The following KIAA0825 variants were observed in gnomAD, a reference collection of about 807,000 sequenced individuals.
KIAA0825 encodes uncharacterized protein KIAA0825.
A neutral mutation model predicts 147.6 loss-of-function variants in KIAA0825; 119 were observed. That is an observed-to-expected ratio of 0.81 (90% CI 0.69 to 0.94). The LOEUF (loss-of-function observed/expected upper bound fraction) is 0.94, where lower values mean the gene tolerates loss of function less well. KIAA0825 is among the 40% of genes least tolerant of loss of function. KIAA0825 has a pLI of 0.00. For synonymous variants in KIAA0825, 470 were observed against 518.1 expected (o/e 0.91, Z 1.26); for missense variants, 1,381 against 1,472.7 (o/e 0.94, Z 1.02).
chr5:94,470,121 G>A lies in KIAA0825; in HGVS notation c.1722-10C>T, dbSNP rs1235170846. 1 of 1,546,394 alleles carries A rather than the reference G, an allele frequency of 6.5e-7. No individual in the cohort carries two copies. The highest frequency in any genetic ancestry group is 2.5e-5 in the East Asian group (1 of 40,762). ...CACCAGGAATATGGGTCTGTTCAGA[G>A]AGAATGATCAAAGAGACAGAGATTT... is the stretch of plus-strand genomic sequence containing the variant. On this transcript the variant is annotated splice_polypyrimidine_tract_variant and intron_variant, in intron 9 of 20. Coordinates refer to ENST00000682413, the MANE Select transcript of KIAA0825 (RefSeq NM_001145678.3).
chr5:94,311,104 TC>T (rs1387860092), intron 20 of KIAA0825, among the ~76,000 whole-genome samples: 1 of 151,642 alleles, frequency 6.6e-6, no homozygotes, highest in East Asian at 1.9e-4. Context: ...GCATTTTTTT[TC>T]AGTAACAGAA....
chr5:94,502,916 C>A (rs1018618801), intron 5 of KIAA0825, among the ~76,000 whole-genome samples: 1 of 151,810 alleles, frequency 6.6e-6, no homozygotes, highest in Non-Finnish European at 1.5e-5. Context: ...TGAGACCAGC[C>A]TGGCCAACAT....
intron 20 of KIAA0825, among the ~76,000 whole-genome samples, chr5:94,184,239 G>T (rs1562300190): frequency 6.6e-6 from 1 of 152,158 alleles, no homozygotes; most frequent in Non-Finnish European, 1.5e-5. Flanking sequence ...AGGTAGCATG[G>T]AAGAAAGAAA....
rs769112721 is a variant in KIAA0825 at position 94,396,152 on chromosome 5, G to T, written c.3245C>A (p.Pro1082His). The part of the protein sequence containing the change: ...KVIQSIEQQK[P>H]NWIERQLLKA... The stretch of plus-strand genomic sequence containing the variant: ...CAACAATTGACGTTCAATCCAGTTG[G>T]GCTTCTGCTGCTCAATGCTCTGTAT... Residue 1082 changes from proline to histidine, a missense_variant, in exon 17 of 21, where the codon CCC becomes CAC. Pro to His is a moderately conservative substitution (Grantham distance 77, BLOSUM62 -2). Coordinates refer to ENST00000682413, the MANE Select transcript of KIAA0825 (RefSeq NM_001145678.3). The T allele has an allele frequency of 9.1e-6, 14 of 1,533,744 alleles. No individual in the cohort carries two copies. The East Asian group carries it at 2.9e-4, about 32-fold the overall frequency.
At chr5:94,458,610 G>A (rs758052526) in intron 12 of KIAA0825, among the ~76,000 whole-genome samples, 4 of 151,870 alleles carry the variant, frequency 2.6e-5, no homozygotes, top group Admixed American at 6.6e-5. Context: ...TTAATTTTGC[G>A]TTTTTTAAAA....
intron 20 of KIAA0825, among the ~76,000 whole-genome samples, chr5:94,213,747 C>T (rs539627485): frequency 6.6e-6 from 1 of 152,266 alleles, no homozygotes; most frequent in African/African-American, 2.4e-5. Context: ...CATCTCTGCC[C>T]CTTCCCTCTA....
intron 14 of KIAA0825, 96 bp from the exon 15 acceptor site, chr5:94,417,461 G>T: frequency 1.1e-6 from 1 of 944,918 alleles, no homozygotes; most frequent in Non-Finnish European, 1.5e-6. Flanking sequence ...ATAATGCTGT[G>T]GAAATGGTTT....
chr5:94,278,076 C>A (rs1777299288), intron 20 of KIAA0825, among the ~76,000 whole-genome samples: 1 of 152,050 alleles, frequency 6.6e-6, no homozygotes, highest in Non-Finnish European at 1.5e-5. Context: ...AACACATGGA[C>A]ACAGGGAGGG....
intron 20 of KIAA0825, among the ~76,000 whole-genome samples, chr5:94,347,464 T>G (rs938396324): frequency 6.6e-6 from 1 of 152,208 alleles, no homozygotes; most frequent in Non-Finnish European, 1.5e-5. Context: ...CCATAGACAG[T>G]TCACATCACA....
intron 6 of KIAA0825, among the ~76,000 whole-genome samples, chr5:94,482,954 A>G (rs1370300721): frequency 6.6e-6 from 1 of 151,984 alleles, no homozygotes; most frequent in East Asian, 1.9e-4. Flanking sequence ...TTATAAGATG[A>G]CACATTTGCA....
chr5:94,594,409 C>T lies in KIAA0825; in HGVS notation c.-152-11826G>A. The stretch of plus-strand genomic sequence containing the variant: ...CTAGGAGGAATCAATTGTGTAAAAG[C>T]CTCAGTTCTTACTCCTTATTACCAT... On this transcript the variant is annotated intron_variant, in intron 1 of 20. Coordinates refer to ENST00000682413, the MANE Select transcript of KIAA0825 (RefSeq NM_001145678.3). 5.3e-6 allele frequency: 4 copies of T among 761,226 alleles called. No individual in the cohort carries two copies. The South Asian group carries it at 5.3e-5, about 10-fold the overall frequency. The allele number at this position is 761,226 out of a possible 1,614,324, so 47.2% of individuals were successfully genotyped here.
At chr5:94,515,763 G>A (rs1017353117) in intron 5 of KIAA0825, among the ~76,000 whole-genome samples, 3 of 146,810 alleles carry the variant, frequency 2.0e-5, no homozygotes, top group African/African-American at 5.4e-5. Flanking sequence ...TTGCACTCCA[G>A]CCTGGGCAAC....
At chr5:94,504,821 T>C (rs542765298) in intron 5 of KIAA0825, among the ~76,000 whole-genome samples, 1 of 150,968 alleles carries the variant, frequency 6.6e-6, no homozygotes, top group South Asian at 2.1e-4. Flanking sequence ...AATCTCGGCT[T>C]ACTGCAACCT....
chr5:94,190,642 C>G (rs1176004725), intron 20 of KIAA0825, among the ~76,000 whole-genome samples: 1 of 151,750 alleles, frequency 6.6e-6, no homozygotes, highest in Non-Finnish European at 1.5e-5. Context: ...CTCCTTTGTT[C>G]CTAGTTTACT....
At chr5:94,503,118 T>C (rs1399033545) in intron 5 of KIAA0825, among the ~76,000 whole-genome samples, 2 of 150,006 alleles carry the variant, frequency 1.3e-5, no homozygotes, top group Non-Finnish European at 3.0e-5. Context: ...TAGCATAACT[T>C]TCCATGTTTA....
rs534747462 is a variant in KIAA0825 at position 94,229,365 on chromosome 5, C to T, written c.3711-75241G>A. ...CTCTATTTAGCCTGCTTCTTCTTCT[C>T]TTGTGGATTTTAAGATCTTCTCTTT... On this transcript the variant is annotated intron_variant, in intron 20 of 20. Coordinates refer to ENST00000682413, the MANE Select transcript of KIAA0825 (RefSeq NM_001145678.3). 1.1e-4 allele frequency among the ~76,000 whole-genome samples: 17 copies of T among 152,240 alleles called. No individual in the cohort carries two copies. The South Asian group carries it at 3.5e-3, about 32-fold the overall frequency.
chr5:94,302,442 A>C (rs950258135), intron 20 of KIAA0825, among the ~76,000 whole-genome samples: 2 of 152,132 alleles, frequency 1.3e-5, no homozygotes, highest in African/African-American at 4.8e-5. Context: ...TTTGATTTTA[A>C]CACGGGGTAT....
At chr5:94,572,659 T>C (rs566428534) in intron 2 of KIAA0825, among the ~76,000 whole-genome samples, 1 of 152,152 alleles carries the variant, frequency 6.6e-6, no homozygotes, top group African/African-American at 2.4e-5. Context: ...ATTTAAAAAA[T>C]TGTAGAACTA....
At chr5:94,465,176 A>G in intron 10 of KIAA0825, 117 bp from the exon 11 acceptor site, 1 of 860,734 alleles carries the variant, frequency 1.2e-6, no homozygotes, top group Non-Finnish European at 1.7e-6. Flanking sequence ...TTGACACACT[A>G]GAAGACCAAC....
Sources: allele counts gnomAD v4.1 joint callset (sites outside exome capture counted in the v4.1 genomes callset), GRCh38; gene constraint gnomAD v4.1.1; transcripts MANE v1.5; gene names NCBI Gene and HGNC (gene_info 2026-07-23, HGNC 2026-07-21).